The following ALPK1 variants were observed in gnomAD, a reference collection of about 807,000 sequenced individuals.
ALPK1 encodes the protein alpha-protein kinase 1.
Under a neutral mutation model 120.6 loss-of-function variants are expected in ALPK1, and 110 were observed. The ratio of observed to expected loss-of-function variants is 0.91; its 90% CI spans 0.78 to 1.07. The LOEUF (loss-of-function observed/expected upper bound fraction) is 1.07. Among genes scored for constraint, ALPK1 ranks in the 50% least tolerant of loss-of-function variants. The probability of loss-of-function intolerance (pLI) is 0.00; values close to 1 mark genes in which losing one functional copy is unlikely to be tolerated. For missense variants in ALPK1, 1,498 were observed against 1,483.9 expected, an observed-to-expected ratio of 1.01 and a Z score of -0.16; for synonymous variants, 582 against 560.3, an observed-to-expected ratio of 1.04 and a Z score of -0.55.
In ALPK1 at chr4:112,411,973, G is replaced by T. The variant is rs142248599; in HGVS notation, c.423G>T (p.Thr141=). The T allele has an allele frequency of 3.7e-6, 6 of 1,614,010 alleles. No individual in the cohort carries two copies. In the African/African-American group the frequency reaches 5.3e-5, roughly 14 times the overall value. ...AKGLHKLQPA[T]PIAPQVVIRQ... is the part of the protein sequence containing the mutation. ...GTCTCCACAAGTTGCAGCCAGCCAC[G>T]CCAATTGCCCCGCAGGTGGTTATTC... The change falls in exon 5 of 16, where the codon ACG becomes ACT. Residue 141 remains threonine, a synonymous_variant. Transcript: ENST00000650871.
At chr4:112,346,450 T>C (rs1404948100) in intron 2 of ALPK1, among the ~76,000 whole-genome samples, 1 of 152,248 alleles carries the variant, frequency 6.6e-6, no homozygotes, top group African/African-American at 2.4e-5. Flanking sequence ...ATGTGTCACC[T>C]TGTTGAAAAA....
At chr4:112,394,788 A>G (rs991828816) in intron 4 of ALPK1, among the ~76,000 whole-genome samples, 1 of 152,196 alleles carries the variant, frequency 6.6e-6, no homozygotes, top group Non-Finnish European at 1.5e-5. Flanking sequence ...GACTGAGCCA[A>G]GTCCTGGAGG....
intron 2 of ALPK1, among the ~76,000 whole-genome samples, chr4:112,365,419 C>T (rs1578504069): frequency 6.6e-6 from 1 of 152,098 alleles, no homozygotes; most frequent in African/African-American, 2.4e-5. Context: ...CAATAGTGAC[C>T]AAGCTGACAT....
chr4:112,431,721 A>G lies in ALPK1; in HGVS notation c.2174A>G (p.Asp725Gly), dbSNP rs199888622. ...TATCGTTCTGCTTCTTGGTCTTCTG[A>G]TTCTGGTAGGCCCAAGAATATGGGC... is the stretch of plus-strand genomic sequence containing the variant. ...PSYRSASWSS[D>G]SGRPKNMGTH... Residue 725 changes from aspartate to glycine, a missense_variant, in exon 11 of 16, where the codon GAT becomes GGT. Physicochemically the swap from Asp to Gly is moderately conservative, Grantham distance 94. Transcript: ENST00000650871. The G allele has an allele frequency of 2.4e-5, 39 of 1,614,088 alleles. No homozygotes were observed. The highest frequency in any genetic ancestry group is 3.3e-5 in the Non-Finnish European group (39 of 1,180,048).
chr4:112,367,368 C>A (rs1276528590), intron 2 of ALPK1, among the ~76,000 whole-genome samples: 2 of 151,962 alleles, frequency 1.3e-5, no homozygotes, highest in Non-Finnish European at 2.9e-5. Context: ...TTTAGTTTTC[C>A]TTTTTATCTG....
At chr4:112,421,272 T>C (rs1733979032) in intron 5 of ALPK1, among the ~76,000 whole-genome samples, 1 of 152,220 alleles carries the variant, frequency 6.6e-6, no homozygotes, top group African/African-American at 2.4e-5. Flanking sequence ...CTTTCTAGCT[T>C]TTTAACATAC....
At chr4:112,396,483 C>T (rs1191132198) in intron 4 of ALPK1, among the ~76,000 whole-genome samples, 1 of 152,172 alleles carries the variant, frequency 6.6e-6, no homozygotes, top group Non-Finnish European at 1.5e-5. Context: ...GGATGAAGCA[C>T]GATTATGTGC....
intron 7 of ALPK1, 73 bp from the exon 8 acceptor site, chr4:112,426,394 T>C: frequency 8.4e-7 from 1 of 1,186,634 alleles, no homozygotes; most frequent in East Asian, 2.5e-5. Context: ...TTTCAAAGGT[T>C]TTCTCTATAC....
chr4:112,422,071 GC>G (rs1265626486), intron 5 of ALPK1, among the ~76,000 whole-genome samples: 1 of 152,174 alleles, frequency 6.6e-6, no homozygotes, highest in Non-Finnish European at 1.5e-5. Flanking sequence ...GGAGAGGTCT[GC>G]TAAGTGACTA....
intron 2 of ALPK1, among the ~76,000 whole-genome samples, chr4:112,333,074 T>C (rs565802953): frequency 1.3e-5 from 2 of 152,330 alleles, no homozygotes; most frequent in Non-Finnish European, 2.9e-5. Context: ...GCCACACTTC[T>C]ATTTGCTAGG....
rs761573952 is a variant in ALPK1 at position 112,431,957 on chromosome 4, AG to A, written c.2413del (p.Val805SerfsTer73). On this transcript the variant is annotated frameshift_variant, in exon 11 of 16. Transcript: ENST00000650871. LOFTEE classifies it high-confidence loss of function. ...TGAAGATGCACCCTTAGACTTTCAC[AG>A]GGTCCTGCACAATTCTCTGGGAAAC... ...STEDAPLDFHRVLHNSLGNIS... is the reference protein window; with the variant it reads ...STEDAPLDFHXVLHNSLGNIS... 2.5e-6 allele frequency: 4 copies of A among 1,614,144 alleles called. No homozygotes were observed. The highest frequency in any genetic ancestry group is 3.4e-6 in the Non-Finnish European group (4 of 1,180,040).
rs888026981 is a variant in ALPK1, at chr4:112,340,325, G to T, written c.-101+24473G>T. On this transcript the variant is annotated intron_variant, in intron 2 of 15. Coordinates refer to ENST00000650871, the MANE Select transcript of ALPK1 (RefSeq NM_025144.4). The stretch of plus-strand genomic sequence containing the variant: ...TAGAAAACCTTCAAAACTGAGCTTT[G>T]TCTCTTGCACGGTGGGAAACCAAAC... Among the ~76,000 whole-genome samples, 2 of 152,094 alleles carry T rather than the reference G, an allele frequency of 1.3e-5. 1 individual carries two copies. Among genetic ancestry groups the T allele is most frequent in the South Asian group, 4.1e-4 (2 of 4,830 alleles).
chr4:112,372,974 T>C (rs985077200), intron 2 of ALPK1, among the ~76,000 whole-genome samples: 1 of 152,246 alleles, frequency 6.6e-6, no homozygotes, highest in African/African-American at 2.4e-5. Flanking sequence ...CCTATTTCTT[T>C]ATTACACCTC....
Position 112,431,260 on chromosome 4 carries a change from C to T in ALPK1, c.1713C>T (p.Asn571=). Residue 571 remains asparagine, a synonymous_variant, in exon 11 of 16, where the codon AAC becomes AAT. Coordinates refer to ENST00000650871, the MANE Select transcript of ALPK1 (RefSeq NM_025144.4). ...GCAATGGTGAGGGAGCTGTTTTCAA[C>T]AAGTCTCTGAGTGGCAGCCAGACTT... is the stretch of plus-strand genomic sequence containing the variant. ...DYSNGEGAVF[N]KSLSGSQTSS... The T allele has an allele frequency of 6.2e-7, 1 of 1,614,162 alleles. No homozygotes were observed. Among genetic ancestry groups the T allele is most frequent in the Non-Finnish European group, 8.5e-7 (1 of 1,180,024 alleles).
In ALPK1 at chr4:112,442,529, C is replaced by T. The variant is rs1194573860; in HGVS notation, c.*1319C>T. On this transcript the variant is annotated 3_prime_UTR_variant, in exon 16 of 16. Coordinates refer to ENST00000650871, the MANE Select transcript of ALPK1 (RefSeq NM_025144.4). Reference sequence around the variant, plus strand: ...AACTAATGGGTACTAGGCTGAATACCTGGGTGATGAAGTAATTCGCACAAC... The same window carrying T: ...AACTAATGGGTACTAGGCTGAATACTTGGGTGATGAAGTAATTCGCACAAC... 1 of 151,816 alleles carries T rather than the reference C, an allele frequency of 6.6e-6. No homozygotes were observed. Among genetic ancestry groups the T allele is most frequent in the African/African-American group, 2.4e-5 (1 of 41,304 alleles). 9.4% of individuals were successfully genotyped at this position (151,816 alleles called of 1,614,324 possible).
At chr4:112,323,721 G>C (rs1038659425) in intron 2 of ALPK1, among the ~76,000 whole-genome samples, 1 of 152,146 alleles carries the variant, frequency 6.6e-6, no homozygotes, top group Non-Finnish European at 1.5e-5. Flanking sequence ...CTAGGAGTGA[G>C]GCAATTCTTG....
intron 2 of ALPK1, among the ~76,000 whole-genome samples, chr4:112,373,017 A>G (rs1042035308): frequency 6.6e-6 from 1 of 152,242 alleles, no homozygotes; most frequent in Non-Finnish European, 1.5e-5. Flanking sequence ...AAAGAATGCT[A>G]GGAAACAGAA....
At chr4:112,387,058 A>G (rs979362738) in intron 4 of ALPK1, among the ~76,000 whole-genome samples, 6 of 152,188 alleles carry the variant, frequency 3.9e-5, no homozygotes, top group African/African-American at 1.4e-4. Flanking sequence ...TTCAAAAAGT[A>G]TTGAAGGCAT....
intron 6 of ALPK1, among the ~76,000 whole-genome samples, chr4:112,424,298 G>C (rs1006279127): frequency 6.6e-6 from 1 of 152,110 alleles, no homozygotes; most frequent in African/African-American, 2.4e-5. Flanking sequence ...ATAACTCAGT[G>C]GGCCTTAGAA....
Sources: allele counts gnomAD v4.1 joint callset (sites outside exome capture counted in the v4.1 genomes callset), GRCh38; gene constraint gnomAD v4.1.1; transcripts MANE v1.5; gene names NCBI Gene and HGNC (gene_info 2026-07-23, HGNC 2026-07-21).